The following TCAF1 variants were observed in gnomAD, a reference collection of about 807,000 sequenced individuals.
TCAF1 encodes TRPM8 channel associated factor 1, also known as TRPM8 channel-associated factor 1.
In TCAF1, 4 loss-of-function variants were observed where a neutral mutation model predicts 27.3. The observed-to-expected ratio is 0.15, with a 90% CI of 0.07 to 0.34. The LOEUF (loss-of-function observed/expected upper bound fraction) is 0.34. Ranked by LOEUF, TCAF1 falls within the 10% of genes least tolerant of loss-of-function variation. TCAF1 has a pLI of 1.00. For synonymous variants in TCAF1, 105 were observed against 167.1 expected (o/e 0.63, Z 2.87); for missense variants, 257 against 425.8 (o/e 0.60, Z 3.49).
In TCAF1 at chr7:143,876,585, G is replaced by A. The variant is rs202124004; in HGVS notation, c.24C>T (p.Phe8=). 6.6e-6 allele frequency: 10 copies of A among 1,516,036 alleles called. No individual in the cohort carries two copies. The highest frequency in any genetic ancestry group is 1.4e-5 in the South Asian group (1 of 71,430). The allele number at this position is 1,516,036 out of a possible 1,614,324, so 93.9% of individuals were successfully genotyped here. The change falls in exon 2 of 9, where the codon TTC becomes TTT. Residue 8 remains phenylalanine (F), a synonymous_variant. Coordinates refer to ENST00000479870, the MANE Select transcript of TCAF1 (RefSeq NM_014719.3). ...TTGTCACACCATTCATAAGGGCCTC[G>A]AAGGCAGCAGAGGGAGTCGCCATGG... MATPSAA[F]EALMNGVTSW...
chr7:143,877,061 C>T (rs1180009143), intron 1 of TCAF1, among the ~76,000 whole-genome samples: 1 of 152,102 alleles, frequency 6.6e-6, no homozygotes, highest in Non-Finnish European at 1.5e-5. Context: ...GGGGAGAATG[C>T]TATCAGAAAA....
At chr7:143,884,868 T>C (rs1392527687) in intron 1 of TCAF1, 1 of 383,794 alleles carries the variant, frequency 2.6e-6, no homozygotes, top group Admixed American at 6.5e-5. Flanking sequence ...TAAAATAAAA[T>C]ATGTTGCTGG....
intron 1 of TCAF1, among the ~76,000 whole-genome samples, chr7:143,884,410 C>T (rs1015606843): frequency 1.3e-5 from 2 of 152,046 alleles, no homozygotes; most frequent in African/African-American, 4.8e-5. Flanking sequence ...CAAGATTCTG[C>T]CAAGTCAAGG....
chr7:143,902,062 G>C lies in TCAF1; in HGVS notation c.-116C>G, dbSNP rs1269631830. 1 of 152,392 alleles carries C rather than the reference G, an allele frequency of 6.6e-6. No homozygotes were observed. Among genetic ancestry groups the C allele is most frequent in the Non-Finnish European group, 1.5e-5 (1 of 68,164 alleles). 9.4% of individuals were successfully genotyped at this position (152,392 alleles called of 1,614,324 possible). A position where few individuals can be genotyped will look rare whatever the true frequency, so the allele number is the denominator to read the frequency against. ...GCTGTTCCCTGCAGCGCGGGTTCGG[G>C]GCAGTAGCAACCTGCTAGGAGCGGG... is the stretch of plus-strand genomic sequence containing the variant. On this transcript the variant is annotated 5_prime_UTR_variant, in exon 1 of 9. Coordinates refer to ENST00000479870, the MANE Select transcript of TCAF1 (RefSeq NM_014719.3).
intron 1 of TCAF1, among the ~76,000 whole-genome samples, chr7:143,883,619 C>A (rs980035117): frequency 4.7e-5 from 7 of 150,094 alleles, no homozygotes; most frequent in Admixed American, 3.4e-4. Flanking sequence ...GATTCTCCTG[C>A]CTCAGCCTCC....
intron 1 of TCAF1, among the ~76,000 whole-genome samples, chr7:143,883,950 A>C (rs1401174778): frequency 6.6e-6 from 1 of 152,202 alleles, no homozygotes; most frequent in East Asian, 1.9e-4. Flanking sequence ...GACTGGATTC[A>C]AATCCCAGAG....
At chr7:143,881,878 T>A (rs1428566543) in intron 1 of TCAF1, 1 of 152,216 alleles carries the variant, frequency 6.6e-6, no homozygotes, top group Non-Finnish European at 1.5e-5. Flanking sequence ...GATGACATAA[T>A]TGAGGAGCAC....
chr7:143,875,183 C>T (rs1812621741), intron 2 of TCAF1, among the ~76,000 whole-genome samples: 1 of 152,278 alleles, frequency 6.6e-6, no homozygotes, highest in Middle Eastern at 3.4e-3. Flanking sequence ...GTTGTTTGTT[C>T]TGAGAATGCT....
chr7:143,857,525 C>A (rs1811589342), intron 7 of TCAF1, among the ~76,000 whole-genome samples, 175 bp from the exon 8 acceptor site: 1 of 152,310 alleles, frequency 6.6e-6, no homozygotes, highest in Non-Finnish European at 1.5e-5. Context: ...CTTCCACATT[C>A]TAATCTTAGG....
chr7:143,875,538 T>A (rs1812648675), intron 2 of TCAF1, among the ~76,000 whole-genome samples: 1 of 152,208 alleles, frequency 6.6e-6, no homozygotes, highest in African/African-American at 2.4e-5. Context: ...TCTGAAGGCT[T>A]CTACTTCCTA....
chr7:143,896,922 A>G (rs1413877749), intron 1 of TCAF1, among the ~76,000 whole-genome samples: 1 of 151,304 alleles, frequency 6.6e-6, no homozygotes, highest in East Asian at 1.9e-4. Context: ...GAAGAAAGTA[A>G]TAAAATAGGT....
In TCAF1 at chr7:143,902,044, C is replaced by T. The variant is rs1814144133; in HGVS notation, c.-98G>A. The T allele has an allele frequency of 6.6e-6, 1 of 152,326 alleles. No individual in the cohort carries two copies. The highest frequency in any genetic ancestry group is 6.5e-5 in the Admixed American group (1 of 15,290). 9.4% of individuals were successfully genotyped at this position (152,326 alleles called of 1,614,324 possible). A position where few individuals can be genotyped will look rare whatever the true frequency, so the allele number is the denominator to read the frequency against. The stretch of plus-strand genomic sequence containing the variant: ...CCACTCACTGTTTGCCCCGCTGTTC[C>T]CTGCAGCGCGGGTTCGGGGCAGTAG... On this transcript the variant is annotated 5_prime_UTR_variant, in exon 1 of 9. Coordinates refer to ENST00000479870, the MANE Select transcript of TCAF1 (RefSeq NM_014719.3).
rs1338431687 is a variant in TCAF1 at position 143,851,683 on chromosome 7, ATC to A, written c.*2448_*2449del. On this transcript the variant is annotated 3_prime_UTR_variant, in exon 9 of 9. Coordinates refer to ENST00000479870, the MANE Select transcript of TCAF1 (RefSeq NM_014719.3). ...ACACTATCGCCACTTTCCTTTGTCC[ATC>A]TCTCTCCAAATGTCTGATAGTTACA... 6.6e-6 allele frequency: 1 copy of A among 152,084 alleles called. No homozygotes were observed. Among genetic ancestry groups the A allele is most frequent in the East Asian group, 1.9e-4 (1 of 5,202 alleles). 9.4% of individuals were successfully genotyped at this position (152,084 alleles called of 1,614,324 possible).
chr7:143,898,622 A>T (rs1171062382), intron 1 of TCAF1, among the ~76,000 whole-genome samples: 4 of 152,240 alleles, frequency 2.6e-5, no homozygotes, highest in Non-Finnish European at 5.9e-5. Context: ...CTAGAAATTT[A>T]ACAAAAACTG....
intron 1 of TCAF1, among the ~76,000 whole-genome samples, chr7:143,899,180 G>A (rs941228330): frequency 6.6e-5 from 10 of 152,146 alleles, no homozygotes; most frequent in African/African-American, 2.2e-4. Context: ...TTGCTTGTTT[G>A]TTTCTTGTTT....
intron 6 of TCAF1, among the ~76,000 whole-genome samples, chr7:143,859,883 A>ATACATAATATATAT (rs1811795917): frequency 4.5e-5 from 4 of 88,060 alleles, no homozygotes; most frequent in African/African-American, 1.9e-4. Context: ...ATATATACAT[A>ATACATAATATATAT]TATATAATAT....
chr7:143,883,500 CTTTTTTTTT>C (rs374825743), intron 1 of TCAF1, among the ~76,000 whole-genome samples: 7 of 98,092 alleles, frequency 7.1e-5, no homozygotes, highest in Admixed American at 1.2e-4. Context: ...TTTCCTTTTT[CTTTTTTTTT>C]TTTTTTTTTT....
chr7:143,900,780 G>C (rs1249476212), intron 1 of TCAF1, among the ~76,000 whole-genome samples: 2 of 152,116 alleles, frequency 1.3e-5, no homozygotes, highest in Non-Finnish European at 2.9e-5. Context: ...ATGTCCATCA[G>C]CAGTAGAATG....
rs1811819441 is a variant in TCAF1, at chr7:143,859,913, A to ATAT, written c.2167+294_2167+295insATA. The stretch of plus-strand genomic sequence containing the variant: ...TAATATATATTATATAATATATATT[A>ATAT]CGGAATATATATTATATAATATATA... On this transcript the variant is annotated intron_variant, in intron 6 of 8. Coordinates refer to ENST00000479870, the MANE Select transcript of TCAF1 (RefSeq NM_014719.3). Among the ~76,000 whole-genome samples, 29 of 38,642 alleles carry ATAT rather than the reference A, an allele frequency of 7.5e-4. 2 individuals are homozygous for ATAT. In the South Asian group the frequency reaches 0.02, roughly 27 times the overall value. The allele number at this position is 38,642 out of a possible 152,430, so 25.4% of individuals were successfully genotyped here.
Sources: gnomAD v4.1 joint callset for allele counts (sites outside exome capture counted in the v4.1 genomes callset) on GRCh38, gnomAD v4.1.1 for gene constraint, MANE v1.5 for transcripts, NCBI Gene and HGNC (gene_info 2026-07-23, HGNC 2026-07-21) for gene names.